Variants in UNC13C observed in about 807,000 individuals in gnomAD.
UNC13C encodes the protein protein unc-13 homolog C.
Under a neutral mutation model 245.4 loss-of-function variants are expected in UNC13C, and 174 were observed. The observed-to-expected ratio is 0.71, with a 90% CI of 0.63 to 0.80. UNC13C has a LOEUF of 0.80. Among genes scored for constraint, UNC13C ranks in the 30% least tolerant of loss-of-function variants. The pLI is 0.00. For synonymous variants in UNC13C, 992 were observed against 895.1 expected (o/e 1.11, Z -1.93); for missense variants, 2,829 against 2,602.9 (o/e 1.09, Z -1.89).
At chr15:54,390,494 C>T (rs562126801) in intron 17 of UNC13C, among the ~76,000 whole-genome samples, 4 of 152,068 alleles carry the variant, frequency 2.6e-5, no homozygotes, top group Admixed American at 6.6e-5. Context: ...CTTCAATAAT[C>T]TATTAACAAA....
chr15:53,898,922 C>A, the UNC13C span, among the ~76,000 whole-genome samples: 1 of 152,056 alleles, frequency 6.6e-6, no homozygotes, highest in Non-Finnish European at 1.5e-5. Flanking sequence ...AAAGTCTGTC[C>A]ACTTTGACCA....
At chr15:54,490,334 T>C (rs1893640083) in intron 19 of UNC13C, among the ~76,000 whole-genome samples, 1 of 152,124 alleles carries the variant, frequency 6.6e-6, no homozygotes, top group Admixed American at 6.6e-5. Context: ...GGAAGACTTG[T>C]GAAGTGAAGA....
the UNC13C span, among the ~76,000 whole-genome samples, chr15:53,893,241 G>T: frequency 6.6e-6 from 1 of 152,134 alleles, no homozygotes. Flanking sequence ...GTCCCAGAGG[G>T]GCACCTGCTA....
At chr15:54,270,759 A>G (rs1044983477) in intron 10 of UNC13C, among the ~76,000 whole-genome samples, 1 of 152,150 alleles carries the variant, frequency 6.6e-6, no homozygotes, top group East Asian at 1.9e-4. Context: ...TGCTCACTTC[A>G]CTGATGAGAA....
At chr15:54,339,466 G>T (rs995344481) in intron 17 of UNC13C, among the ~76,000 whole-genome samples, 1 of 151,956 alleles carries the variant, frequency 6.6e-6, no homozygotes, top group African/African-American at 2.4e-5. Flanking sequence ...TCATTCTTAC[G>T]CCTTTGCACC....
intron 8 of UNC13C, among the ~76,000 whole-genome samples, chr15:54,259,955 C>A (rs1199271492): frequency 6.6e-6 from 1 of 151,244 alleles, no homozygotes; most frequent in Non-Finnish European, 1.5e-5. Context: ...GAATTGTGGC[C>A]TTAGGGCAGG....
chr15:54,096,309 G>C (rs1020436503), intron 2 of UNC13C, among the ~76,000 whole-genome samples: 2 of 143,850 alleles, frequency 1.4e-5, no homozygotes, highest in African/African-American at 5.2e-5. Context: ...TCATCACATG[G>C]TCTTTTGATG....
At chr15:54,570,555 CT>C (rs1897708893) in intron 30 of UNC13C, among the ~76,000 whole-genome samples, 2 of 152,136 alleles carry the variant, frequency 1.3e-5, no homozygotes, top group Admixed American at 1.3e-4. Flanking sequence ...AAAAAGTCTT[CT>C]CAGTTAGTGA....
At chr15:54,144,789 A>G (rs1471611288) in intron 4 of UNC13C, among the ~76,000 whole-genome samples, 2 of 152,190 alleles carry the variant, frequency 1.3e-5, no homozygotes, top group Admixed American at 6.5e-5. Context: ...CTAATTCATA[A>G]TTGCAAATTA....
chr15:54,201,790 T>G (rs544332249), intron 4 of UNC13C, among the ~76,000 whole-genome samples: 1 of 151,832 alleles, frequency 6.6e-6, no homozygotes, highest in Non-Finnish European at 1.5e-5. Flanking sequence ...TTCTATTCAA[T>G]ATAGTACTGA....
the UNC13C span, among the ~76,000 whole-genome samples, chr15:53,857,538 T>G: frequency 6.6e-6 from 1 of 152,292 alleles, no homozygotes; most frequent in African/African-American, 2.4e-5. Context: ...ACATTACATT[T>G]GTCAAACTAT....
chr15:54,603,490 A>G (rs937025827), intron 30 of UNC13C, among the ~76,000 whole-genome samples: 1 of 152,192 alleles, frequency 6.6e-6, no homozygotes, highest in Non-Finnish European at 1.5e-5. Context: ...ATATATATAG[A>G]AAATCACTTG....
intron 2 of UNC13C, among the ~76,000 whole-genome samples, chr15:54,132,159 C>G (rs1249981489): frequency 6.7e-6 from 1 of 148,818 alleles, no homozygotes; most frequent in East Asian, 2.0e-4. Flanking sequence ...CTCCGCCTCC[C>G]AGGTTTACTT....
intron 18 of UNC13C, among the ~76,000 whole-genome samples, chr15:54,401,107 G>A (rs1366758639): frequency 2.0e-5 from 3 of 152,058 alleles, no homozygotes; most frequent in African/African-American, 7.2e-5. Flanking sequence ...TTACCCATAT[G>A]TGTAATAAAT....
At chr15:54,404,382 A>G (rs525961) in intron 18 of UNC13C, among the ~76,000 whole-genome samples, 94,076 of 151,992 alleles carry the variant, frequency 0.62, 29,967 homozygotes, top group African/African-American at 0.74. Context: ...AATAAATTGG[A>G]TTATTAAATT....
At chr15:54,240,570 A>T (rs571058720) in intron 7 of UNC13C, among the ~76,000 whole-genome samples, 5 of 152,334 alleles carry the variant, frequency 3.3e-5, no homozygotes, top group Middle Eastern at 3.4e-3. Flanking sequence ...ATGCAGGATG[A>T]CAGTGGGTCA....
the UNC13C span, among the ~76,000 whole-genome samples, chr15:53,861,904 C>T: frequency 3.2e-4 from 48 of 152,244 alleles, no homozygotes; most frequent in African/African-American, 1.1e-3. Context: ...CCCACCAGCT[C>T]CACTATCTTG....
At chr15:54,413,195 A>G (rs985340991) in intron 18 of UNC13C, among the ~76,000 whole-genome samples, 1 of 152,006 alleles carries the variant, frequency 6.6e-6, no homozygotes, top group African/African-American at 2.4e-5. Context: ...AGATTTTTAC[A>G]TCTATGTTTA....
chr15:54,633,433 CAAAG>C (rs892308180), downstream of UNC13C: 8 of 150,734 alleles, frequency 5.3e-5, no homozygotes, highest in East Asian at 1.4e-3. Flanking sequence ...ATTTCCTGTA[CAAAG>C]AAAGATTTTT....
Sources: allele counts gnomAD v4.1 joint callset (sites outside exome capture counted in the v4.1 genomes callset), GRCh38; gene constraint gnomAD v4.1.1; transcripts MANE v1.5; gene names NCBI Gene and HGNC (gene_info 2026-07-23, HGNC 2026-07-21).